The following HOMER1 variants were observed in gnomAD, a reference collection of about 807,000 sequenced individuals.
HOMER1 encodes homer protein homolog 1.
Under a neutral mutation model 48.9 loss-of-function variants are expected in HOMER1, and 3 were observed. The observed-to-expected ratio is 0.06, with a 90% confidence interval of 0.03 to 0.16. The LOEUF is 0.16. Ranked by LOEUF, HOMER1 falls within the 10% of genes least tolerant of loss-of-function variation. The pLI is 1.00. For missense variants in HOMER1, 247 were observed against 411.4 expected (o/e 0.60, Z 3.46); for synonymous variants, 134 against 146.4 (o/e 0.92, Z 0.61).
chr5:79,415,491 C>T (rs1271978164), intron 5 of HOMER1, among the ~76,000 whole-genome samples: 1 of 152,124 alleles, frequency 6.6e-6, no homozygotes, highest in Non-Finnish European at 1.5e-5. Context: ...GTTATAAGAA[C>T]ACCTTAAGCC....
intron 5 of HOMER1, among the ~76,000 whole-genome samples, chr5:79,412,538 A>G (rs551654088): frequency 1.3e-5 from 2 of 152,352 alleles, no homozygotes; most frequent in Admixed American, 1.3e-4. Flanking sequence ...TAGTGCACAC[A>G]TGGGACAGAT....
intron 5 of HOMER1, among the ~76,000 whole-genome samples, chr5:79,408,139 T>C (rs142984939): frequency 3.4e-4 from 52 of 152,226 alleles, no homozygotes; most frequent in African/African-American, 1.2e-3. Flanking sequence ...TTCACTACTA[T>C]CCATGGTTTC....
intron 8 of HOMER1, among the ~76,000 whole-genome samples, chr5:79,384,908 G>T (rs1230771077): frequency 6.6e-6 from 1 of 152,030 alleles, no homozygotes; most frequent in Non-Finnish European, 1.5e-5. Flanking sequence ...ATCATCAATA[G>T]ATGCAGAAAA....
At chr5:79,458,385 ATATT>A (rs1751229117) in intron 1 of HOMER1, among the ~76,000 whole-genome samples, 1 of 151,890 alleles carries the variant, frequency 6.6e-6, no homozygotes, top group Non-Finnish European at 1.5e-5. Context: ...TTAATTGGTA[ATATT>A]TAATATTAAG....
chr5:79,442,803 A>G (rs1181511483), intron 4 of HOMER1, among the ~76,000 whole-genome samples: 1 of 152,190 alleles, frequency 6.6e-6, no homozygotes, highest in Non-Finnish European at 1.5e-5. Context: ...GGCAGTGAGA[A>G]TGGAAAGAAG....
intron 5 of HOMER1, among the ~76,000 whole-genome samples, chr5:79,406,823 T>C (rs1463169945): frequency 6.6e-6 from 1 of 152,164 alleles, no homozygotes; most frequent in African/African-American, 2.4e-5. Flanking sequence ...GACTCTCAAC[T>C]ATCACAAGGC....
chr5:79,485,077 TAAAACAAAACAAAAC>T lies in HOMER1; in HGVS notation c.5+27678_5+27692del, dbSNP rs70975755. ...AATCTTGTTAGAACTGTGTCAAAAG[TAAAACAAAACAAAAC>T]AAAACAAAACAAAACAAAACAAAAA... On this transcript the variant is annotated intron_variant, in intron 1 of 8. Transcript: ENST00000334082. Among the ~76,000 whole-genome samples the T allele has an allele frequency of 9.0e-3, 1,340 of 149,412 alleles. 32 individuals are homozygous for T. The highest frequency in any genetic ancestry group is 0.032 in the African/African-American group (1,281 of 40,464).
chr5:79,441,669 C>A (rs1409119214), intron 4 of HOMER1, among the ~76,000 whole-genome samples: 1 of 151,694 alleles, frequency 6.6e-6, no homozygotes. Context: ...CTGAACCGAT[C>A]GAGAACTTGG....
At chr5:79,397,418 G>A (rs767353153) in intron 7 of HOMER1, 109 bp downstream of exon 7, 2 of 717,600 alleles carry the variant, frequency 2.8e-6, no homozygotes, top group Non-Finnish European at 4.7e-6. Flanking sequence ...CTAAAAAAGA[G>A]GTCACAACCT....
chr5:79,381,354 C>T (rs1580411868), intron 8 of HOMER1, among the ~76,000 whole-genome samples: 1 of 152,216 alleles, frequency 6.6e-6, no homozygotes, highest in South Asian at 2.1e-4. Context: ...AGGAAAGAAT[C>T]TTCCCCTATG....
chr5:79,471,740 A>G (rs1036393028), intron 1 of HOMER1, among the ~76,000 whole-genome samples: 1 of 152,082 alleles, frequency 6.6e-6, no homozygotes, highest in Non-Finnish European at 1.5e-5. Flanking sequence ...TAGAGGACAC[A>G]ATCCCCTCCT....
chr5:79,501,744 CCAGCA>C (rs1469232149), intron 1 of HOMER1, among the ~76,000 whole-genome samples: 3 of 152,180 alleles, frequency 2.0e-5, no homozygotes, highest in African/African-American at 7.2e-5. Flanking sequence ...CTGGGGGAAT[CCAGCA>C]CATGATCTGC....
chr5:79,403,920 C>A (rs1749595096), intron 5 of HOMER1, among the ~76,000 whole-genome samples: 2 of 152,150 alleles, frequency 1.3e-5, no homozygotes, highest in South Asian at 4.1e-4. Flanking sequence ...AAGCTATTAA[C>A]TTAACAATCC....
intron 5 of HOMER1, among the ~76,000 whole-genome samples, chr5:79,435,982 C>T (rs1408549336): frequency 1.4e-5 from 2 of 138,644 alleles, no homozygotes; most frequent in East Asian, 2.2e-4. Context: ...AAAAATTAGC[C>T]GGGCGCGGTG....
chr5:79,437,445 TATGTA>T (rs1346852395), intron 5 of HOMER1, among the ~76,000 whole-genome samples: 2 of 152,218 alleles, frequency 1.3e-5, no homozygotes, highest in African/African-American at 2.4e-5. Flanking sequence ...TTTAAAAGAC[TATGTA>T]ATGTAAACAT....
At chr5:79,409,832 A>G (rs1017445452) in intron 5 of HOMER1, among the ~76,000 whole-genome samples, 3 of 152,224 alleles carry the variant, frequency 2.0e-5, no homozygotes, top group African/African-American at 4.8e-5. Flanking sequence ...ACCACCTCAC[A>G]TCCACTAGGA....
chr5:79,424,155 G>A (rs181307869), intron 5 of HOMER1, among the ~76,000 whole-genome samples: 3 of 151,976 alleles, frequency 2.0e-5, no homozygotes, highest in Non-Finnish European at 2.9e-5. Context: ...TCTAAAGTAC[G>A]TTTTCACCAA....
intron 1 of HOMER1, among the ~76,000 whole-genome samples, chr5:79,467,409 A>C (rs1751501126): frequency 6.6e-6 from 1 of 151,436 alleles, no homozygotes; most frequent in South Asian, 2.1e-4. Flanking sequence ...AAAAAAAAAA[A>C]AAAACTAATG....
chr5:79,420,525 A>C (rs1750067142), intron 5 of HOMER1, among the ~76,000 whole-genome samples: 1 of 152,182 alleles, frequency 6.6e-6, no homozygotes, highest in Non-Finnish European at 1.5e-5. Flanking sequence ...CTTTTGTGGC[A>C]CTTTCCATAA....
Sources: gnomAD v4.1 joint callset for allele counts (sites outside exome capture counted in the v4.1 genomes callset) on GRCh38, gnomAD v4.1.1 for gene constraint, MANE v1.5 for transcripts, NCBI Gene and HGNC (gene_info 2026-07-23, HGNC 2026-07-21) for gene names.